SLC9A9: variants seen among roughly 807,000 people sequenced by gnomAD.
SLC9A9 encodes the protein solute carrier family 9 member A9, also known as sodium/hydrogen exchanger 9.
SLC9A9 carries 62 observed loss-of-function variants against 77.8 expected under a neutral mutation model. That is an observed-to-expected ratio of 0.80 (90% confidence interval 0.65 to 0.98). The LOEUF is 0.98. SLC9A9 is among the 50% of genes least tolerant of loss of function. The pLI is 0.00. For synonymous variants in SLC9A9, 320 were observed against 283.5 expected, an observed-to-expected ratio of 1.13 and a Z score of -1.29; for missense variants, 775 against 774.9, an observed-to-expected ratio of 1.00 and a Z score of 0.00.
chr3:143,665,788 G>A (rs2039055318), intron 5 of SLC9A9, among the ~76,000 whole-genome samples: 1 of 152,148 alleles, frequency 6.6e-6, no homozygotes, highest in Admixed American at 6.6e-5. Context: ...CCAGGAAGAA[G>A]TTGAATCCAT....
chr3:143,417,015 G>A (rs533514057), intron 12 of SLC9A9, among the ~76,000 whole-genome samples: 1 of 152,228 alleles, frequency 6.6e-6, no homozygotes, highest in South Asian at 2.1e-4. Context: ...AGAAGAGGTA[G>A]TTATTTTGGT....
chr3:143,775,728 T>C (rs79887390), intron 4 of SLC9A9, among the ~76,000 whole-genome samples: 2,851 of 152,316 alleles, frequency 0.019, 87 homozygotes, highest in African/African-American at 0.063. Context: ...TAATCCACAC[T>C]TCATTCTTCA....
intron 14 of SLC9A9, among the ~76,000 whole-genome samples, chr3:143,281,050 G>A (rs574299678): frequency 2.0e-5 from 3 of 152,278 alleles, no homozygotes; most frequent in African/African-American, 7.2e-5. Context: ...CCTGAAGTAG[G>A]TGCGGCTCTA....
chr3:143,611,575 T>G (rs1172244177), intron 6 of SLC9A9, among the ~76,000 whole-genome samples: 1 of 152,236 alleles, frequency 6.6e-6, no homozygotes, highest in African/African-American at 2.4e-5. Context: ...GCAGTAGATT[T>G]CTGAAAACAG....
rs1050197031 is a variant in SLC9A9 at position 143,493,874 on chromosome 3, C to T, written c.1204-110G>A. 5 of 807,378 alleles carry T rather than the reference C, an allele frequency of 6.2e-6. No homozygotes were observed. In the African/African-American group the frequency reaches 8.5e-5, roughly 14 times the overall value. 50.0% of individuals were successfully genotyped at this position (807,378 alleles called of 1,614,324 possible). On this transcript the variant is annotated intron_variant, in intron 10 of 15. Transcript: ENST00000316549. ...GCTTCTCTTCATTATGACCCCAAAA[C>T]CAGAAATAAACATGTCAATTCACAT...
chr3:143,835,196 C>T (rs1232299139), intron 1 of SLC9A9, among the ~76,000 whole-genome samples: 1 of 152,232 alleles, frequency 6.6e-6, no homozygotes, highest in African/African-American at 2.4e-5. Context: ...ATGCTCACTC[C>T]CCACATTCTC....
At chr3:143,425,797 T>C (rs993532604) in intron 12 of SLC9A9, among the ~76,000 whole-genome samples, 1 of 152,180 alleles carries the variant, frequency 6.6e-6, no homozygotes, top group Non-Finnish European at 1.5e-5. Flanking sequence ...AGTCCTAAAA[T>C]GTTACTTTAA....
At chr3:143,743,276 TA>T (rs1299138674) in intron 4 of SLC9A9, among the ~76,000 whole-genome samples, 2 of 150,510 alleles carry the variant, frequency 1.3e-5, no homozygotes, top group African/African-American at 4.9e-5. Context: ...GATAGATAGA[TA>T]GATAGATAGA....
intron 12 of SLC9A9, among the ~76,000 whole-genome samples, chr3:143,442,895 G>A (rs9861304): frequency 0.15 from 22,250 of 152,170 alleles, 2,012 homozygotes; most frequent in Non-Finnish European, 0.2. Flanking sequence ...CATGGGGCCC[G>A]GTGGGGTGGG....
chr3:143,376,799 A>G (rs1010240237), intron 13 of SLC9A9, among the ~76,000 whole-genome samples: 2 of 152,222 alleles, frequency 1.3e-5, no homozygotes, highest in African/African-American at 4.8e-5. Context: ...TTTCTCTGAA[A>G]TGTTTATTTT....
chr3:143,706,438 T>C (rs1219893474), intron 4 of SLC9A9, among the ~76,000 whole-genome samples: 1 of 151,154 alleles, frequency 6.6e-6, no homozygotes, highest in Non-Finnish European at 1.5e-5. Context: ...TTCATCCATT[T>C]GGCCCACTCT....
At chr3:143,516,655 T>C (rs1042842797) in intron 9 of SLC9A9, among the ~76,000 whole-genome samples, 1 of 152,196 alleles carries the variant, frequency 6.6e-6, no homozygotes, top group Non-Finnish European at 1.5e-5. Flanking sequence ...CTCCTTTGAT[T>C]ACCCTTCTTT....
At chr3:143,838,464 G>A (rs1400610902) in intron 1 of SLC9A9, among the ~76,000 whole-genome samples, 2 of 152,136 alleles carry the variant, frequency 1.3e-5, no homozygotes, top group South Asian at 2.1e-4. Context: ...AGAATCGAGC[G>A]AGTTCCTTGT....
At chr3:143,413,129 CAG>C (rs768483585) in intron 12 of SLC9A9, among the ~76,000 whole-genome samples, 3 of 152,130 alleles carry the variant, frequency 2.0e-5, no homozygotes, top group South Asian at 2.1e-4. Flanking sequence ...TGTGGAATAA[CAG>C]GGACCGTGGT....
At chr3:143,314,663 C>T (rs2031140547) in intron 14 of SLC9A9, among the ~76,000 whole-genome samples, 1 of 152,262 alleles carries the variant, frequency 6.6e-6, no homozygotes, top group Non-Finnish European at 1.5e-5. Context: ...CCTCTCCCCA[C>T]TGGCCAGCCC....
At chr3:143,529,428 G>A (rs2036466645) in intron 9 of SLC9A9, among the ~76,000 whole-genome samples, 2 of 152,162 alleles carry the variant, frequency 1.3e-5, no homozygotes, top group South Asian at 4.1e-4. Context: ...TAGGGGTGTG[G>A]ATAAAACAAG....
intron 14 of SLC9A9, among the ~76,000 whole-genome samples, chr3:143,271,533 C>T (rs1214286974): frequency 6.6e-6 from 1 of 152,076 alleles, no homozygotes. Flanking sequence ...TCTCATTGTT[C>T]GATAATGATG....
At chr3:143,645,354 A>T (rs2038687277) in intron 6 of SLC9A9, among the ~76,000 whole-genome samples, 1 of 152,198 alleles carries the variant, frequency 6.6e-6, no homozygotes, top group Admixed American at 6.5e-5. Context: ...CTATTTTCTG[A>T]AATGGTTTCT....
At chr3:143,285,087 C>T (rs528249484) in intron 14 of SLC9A9, among the ~76,000 whole-genome samples, 3 of 152,274 alleles carry the variant, frequency 2.0e-5, no homozygotes, top group Admixed American at 6.5e-5. Context: ...TGTTCTGGCT[C>T]AAAACTATAC....
Sources: gnomAD v4.1 joint callset for allele counts (sites outside exome capture counted in the v4.1 genomes callset) on GRCh38, gnomAD v4.1.1 for gene constraint, MANE v1.5 for transcripts, NCBI Gene and HGNC (gene_info 2026-07-23, HGNC 2026-07-21) for gene names.